The following PAPLN variants were observed in gnomAD, a reference collection of about 807,000 sequenced individuals.
PAPLN encodes the protein papilin, proteoglycan like sulfated glycoprotein.
A neutral mutation model predicts 159.0 loss-of-function variants in PAPLN; 146 were observed. The observed-to-expected ratio is 0.92, with a 90% CI of 0.80 to 1.05. The LOEUF (loss-of-function observed/expected upper bound fraction) is 1.05. Ranked by LOEUF, PAPLN falls within the 50% of genes least tolerant of loss-of-function variation. The pLI, the probability that PAPLN is intolerant of heterozygous loss-of-function variation, is 0.00. For missense variants in PAPLN, 1,720 were observed against 1,743.9 expected, an observed-to-expected ratio of 0.99 and a Z score of 0.24; for synonymous variants, 734 against 702.9, an observed-to-expected ratio of 1.04 and a Z score of -0.70.
chr14:73,254,637 T>G lies in PAPLN; in HGVS notation c.1427T>G (p.Val476Gly). The change falls in exon 13 of 27, where the codon GTG (valine) becomes GGG (glycine). Residue 476 changes from valine to glycine, a missense_variant. Val to Gly is a moderately radical substitution (Grantham distance 109). Transcript: ENST00000644200. ...EDRPPLTEPC[V>G]HEDCPLLSDQ... ...CGGCCACCTCTGACTGAGCCCTGTG[T>G]GCATGAGGACTGCCCCCTCCTCAGT... 1 of 1,614,064 alleles carries G rather than the reference T, an allele frequency of 6.2e-7. No homozygotes were observed. The highest frequency in any genetic ancestry group is 8.5e-7 in the Non-Finnish European group (1 of 1,179,938).
At chr14:73,266,862 C>A (rs1203925990) in intron 25 of PAPLN, 31 bp downstream of exon 25, 2 of 1,572,976 alleles carry the variant, frequency 1.3e-6, no homozygotes, top group South Asian at 1.2e-5. Context: ...TGTCCCTGTC[C>A]CCAGACCTTC....
In PAPLN at chr14:73,265,435, C is replaced by T. The variant is rs765098515; in HGVS notation, c.3191C>T (p.Thr1064Ile). 6.8e-6 allele frequency: 11 copies of T among 1,613,266 alleles called. No homozygotes were observed. The highest frequency in any genetic ancestry group is 6.7e-5 in the Admixed American group (4 of 60,022). The change falls in exon 23 of 27, where the codon ACC (threonine) becomes ATC (isoleucine). Residue 1064 changes from threonine (T) to isoleucine (I), a missense_variant. Transcript: ENST00000644200. The surrounding 1 kb of genome is among the most constrained non-coding windows in gnomAD (Gnocchi z 4.1). The part of the protein sequence containing the change: ...DASPGQRIRM[T>I]CRAEGFPPPA... Reference sequence around the variant, plus strand: ...AGTCCAGGCCAGCGGATCCGGATGACCTGCCGTGCCGAAGGCTTCCCGCCC... The same window carrying T: ...AGTCCAGGCCAGCGGATCCGGATGATCTGCCGTGCCGAAGGCTTCCCGCCC...
In PAPLN at chr14:73,262,496, CAAGAG is replaced by C; in HGVS notation, c.2393_2397del (p.Gln798LeufsTer111). ...CAATGCCAATAACTTTGCCTCGGAG[CAAGAG>C]TGCATGAGCAGCTGCCAGGGATCTC... is the stretch of plus-strand genomic sequence containing the variant. On this transcript the variant is annotated frameshift_variant, in exon 19 of 27. Transcript: ENST00000644200. LOFTEE classifies it high-confidence loss of function. The C allele has an allele frequency of 6.3e-7, 1 of 1,593,338 alleles. No individual in the cohort carries two copies. Among genetic ancestry groups the C allele is most frequent in the Non-Finnish European group, 8.6e-7 (1 of 1,169,574 alleles).
Position 73,265,605 on chromosome 14 carries a change from G to A in PAPLN, c.3263+98G>A, listed in dbSNP as rs1887140566. On this transcript the variant is annotated intron_variant, in intron 23 of 26. Coordinates refer to ENST00000644200, the MANE Select transcript of PAPLN (RefSeq NM_001365906.3). This position sits in a 1 kb window ranked among gnomAD's most constrained non-coding sequence, Gnocchi z 4.1. ...AAGGGAGCTGCTAGCGCATGGTCAT[G>A]GCCAGTCCTGAGCCGGACTCCAGGG... 6.6e-7 allele frequency: 1 copy of A among 1,525,486 alleles called. No individual in the cohort carries two copies. Among genetic ancestry groups the A allele is most frequent in the Non-Finnish European group, 8.8e-7 (1 of 1,130,718 alleles). 94.5% of individuals were successfully genotyped at this position (1,525,486 alleles called of 1,614,324 possible).
At chr14:73,243,573 C>T (rs1273688429) in intron 2 of PAPLN, 1 of 152,266 alleles carries the variant, frequency 6.6e-6, no homozygotes, top group Non-Finnish European at 1.5e-5. Flanking sequence ...GTGCCCACTT[C>T]TTCCCCTGTG....
intron 2 of PAPLN, among the ~76,000 whole-genome samples, chr14:73,241,579 T>A (rs1345221607): frequency 3.3e-5 from 5 of 152,222 alleles, no homozygotes; most frequent in African/African-American, 4.8e-5. Context: ...TGCCACCTCC[T>A]CCCAGTGAGT....
At chr14:73,240,128 C>T (rs1392019900) in intron 2 of PAPLN, among the ~76,000 whole-genome samples, 1 of 152,190 alleles carries the variant, frequency 6.6e-6, no homozygotes, top group African/African-American at 2.4e-5. Context: ...CCCCGCCAAT[C>T]CTGGCGGGTG....
In PAPLN at chr14:73,247,042, T is replaced by C. The variant is rs577386721; in HGVS notation, c.334+867T>C. On this transcript the variant is annotated intron_variant, in intron 5 of 26. Transcript: ENST00000644200. ...TTCAAACGAAGCTATGGTGTGTCTA[T>C]ACCATTTTGAGCCCTGTTTTTGCTC... 3.3e-5 allele frequency among the ~76,000 whole-genome samples: 5 copies of C among 152,344 alleles called. No homozygotes were observed. The East Asian group carries it at 7.7e-4, about 24-fold the overall frequency.
intron 26 of PAPLN, 112 bp from the exon 27 acceptor site, chr14:73,272,383 A>T (rs1305576455): frequency 9.3e-7 from 1 of 1,074,166 alleles, no homozygotes; most frequent in East Asian, 2.5e-5. Flanking sequence ...CTTCGTTTTC[A>T]ATCTGGCAGT....
chr14:73,270,081 A>T (rs1350123613), intron 26 of PAPLN, among the ~76,000 whole-genome samples: 5 of 151,644 alleles, frequency 3.3e-5, no homozygotes, highest in Admixed American at 6.6e-5. Flanking sequence ...CTTTTTTCTC[A>T]CCTGTTGCTC....
At position 73,254,675 on chromosome 14, in the gene PAPLN, C is replaced by G; in HGVS notation, c.1465C>G (p.His489Asp). 6.2e-7 allele frequency: 1 copy of G among 1,613,826 alleles called. No homozygotes were observed. Among genetic ancestry groups the G allele is most frequent in the South Asian group, 1.1e-5 (1 of 91,068 alleles). The stretch of plus-strand genomic sequence containing the variant: ...CCCCCTCCTCAGTGACCAGGCCTGG[C>G]ATGTTGGCACCTGGGGTCTAGTGAG... ...DCPLLSDQAWHVGTWGLCSKS... is the reference protein window; with the variant it reads ...DCPLLSDQAWDVGTWGLCSKS... Residue 489 changes from histidine to aspartate, a missense_variant, in exon 13 of 27, where the codon CAT becomes GAT. By Grantham distance (81) the His-to-Asp change is moderately conservative. Transcript: ENST00000644200.
Position 73,272,819 on chromosome 14 carries a change from C to G in PAPLN, c.*155C>G. On this transcript the variant is annotated 3_prime_UTR_variant, in exon 27 of 27. Transcript: ENST00000644200. Reference sequence around the variant, plus strand: ...AAACCCACCCAGTGTTTAGCCTCAACGGCAGCCAGTTACCAGCTTCTCTCT... The same window carrying G: ...AAACCCACCCAGTGTTTAGCCTCAAGGGCAGCCAGTTACCAGCTTCTCTCT... The G allele has an allele frequency of 4.2e-6, 3 of 711,860 alleles. No individual in the cohort carries two copies. Among genetic ancestry groups the G allele is most frequent in the South Asian group, 5.1e-5 (1 of 19,744 alleles). 44.1% of individuals were successfully genotyped at this position (711,860 alleles called of 1,614,324 possible).
rs146385823 is a variant in PAPLN at position 73,251,768 on chromosome 14, G to A, written c.775G>A (p.Ala259Thr). 1.2e-6 allele frequency: 2 copies of A among 1,611,554 alleles called. No individual in the cohort carries two copies. The highest frequency in any genetic ancestry group is 2.7e-5 in the African/African-American group (2 of 74,876). ...CACCATCCTGCATTACGAGCGGGGT[G>A]CTGAGGGGGACCTGGCCCCTGAGCG... is the stretch of plus-strand genomic sequence containing the variant. ...ASTILHYERGAEGDLAPERLH... is the reference protein window; with the variant it reads ...ASTILHYERGTEGDLAPERLH... Residue 259 changes from alanine (A) to threonine (T), a missense_variant, in exon 9 of 27, where the codon GCT (alanine) becomes ACT (threonine). Transcript: ENST00000644200.
chr14:73,259,676 C>T, intron 16 of PAPLN, 131 bp downstream of exon 16: 1 of 1,213,184 alleles, frequency 8.2e-7, no homozygotes, highest in Non-Finnish European at 1.1e-6. Context: ...GATGCCCAAG[C>T]TTTCCTCCCT....
intron 18 of PAPLN, chr14:73,262,095 G>A (rs186570083): frequency 5.5e-4 from 243 of 444,192 alleles, no homozygotes; most frequent in Admixed American, 2.2e-3. Context: ...AGGGAGCCCT[G>A]GCCCTGACCT....
intron 25 of PAPLN, among the ~76,000 whole-genome samples, chr14:73,268,037 A>G (rs1887390417): frequency 6.6e-6 from 1 of 150,974 alleles, no homozygotes; most frequent in Admixed American, 6.6e-5. Flanking sequence ...CCCTAACTCC[A>G]CTGGACACCT....
chr14:73,261,017 C>T (rs1008067157), intron 17 of PAPLN, 139 bp from the exon 18 acceptor site: 10 of 1,463,238 alleles, frequency 6.8e-6, no homozygotes, highest in African/African-American at 4.2e-5. Flanking sequence ...GGGGTTTCAT[C>T]CAACATTCTC....
Position 73,264,351 on chromosome 14 carries a change from C to G in PAPLN, c.2986+16C>G. The G allele has an allele frequency of 1.9e-6, 3 of 1,608,914 alleles. No individual in the cohort carries two copies. The highest frequency in any genetic ancestry group is 2.5e-6 in the Non-Finnish European group (3 of 1,177,004). On this transcript the variant is annotated intron_variant, in intron 21 of 26. Transcript: ENST00000644200. ...CGCATCATAGGTCTCTGTCCCCACC[C>G]CATCCACCAGTGCGTTCTCAGGGGC...
chr14:73,237,063 G>A (rs991777679), upstream of PAPLN, among the ~76,000 whole-genome samples: 3 of 152,138 alleles, frequency 2.0e-5, no homozygotes, highest in African/African-American at 4.8e-5. Context: ...AGAGGGGATT[G>A]GGAGAGCGCA....
Sources: gnomAD v4.1 joint callset for allele counts (sites outside exome capture counted in the v4.1 genomes callset) on GRCh38, gnomAD v4.1.1 for gene constraint, Gnocchi (gnomAD v3.1) non-coding constraint, MANE v1.5 for transcripts, NCBI Gene and HGNC (gene_info 2026-07-23, HGNC 2026-07-21) for gene names.